The following ENTREP2 variants were observed in gnomAD, a reference collection of about 807,000 sequenced individuals.
ENTREP2 encodes the protein endosomal transmembrane epsin interactor 2.
At chr15:29,502,381 AT>A in the ENTREP2 span, among the ~76,000 whole-genome samples, 42 of 152,134 alleles carry the variant, frequency 2.8e-4, no homozygotes, top group African/African-American at 9.9e-4. Context: ...AAAACTAGAT[AT>A]CCACATACAA....
At chr15:29,379,193 A>G in the ENTREP2 span, among the ~76,000 whole-genome samples, 1 of 152,202 alleles carries the variant, frequency 6.6e-6, no homozygotes. Context: ...AAGGCAAGCA[A>G]TGAATGTCAG....
the ENTREP2 span, among the ~76,000 whole-genome samples, chr15:29,273,109 G>A: frequency 6.6e-6 from 1 of 152,098 alleles, no homozygotes; most frequent in African/African-American, 2.4e-5. Context: ...TTGGCCAAGA[G>A]GGGGTCTGTT....
the ENTREP2 span, among the ~76,000 whole-genome samples, chr15:29,248,697 A>G: frequency 2.0e-5 from 3 of 152,192 alleles, no homozygotes; most frequent in Admixed American, 2.0e-4. Context: ...TTAAACAATG[A>G]AATCATCTTA....
chr15:29,415,537 A>C, the ENTREP2 span, among the ~76,000 whole-genome samples: 4 of 152,122 alleles, frequency 2.6e-5, no homozygotes, highest in Admixed American at 2.6e-4. Flanking sequence ...ACCCACAGCC[A>C]ATATCATACT....
the ENTREP2 span, among the ~76,000 whole-genome samples, chr15:29,320,438 T>G: frequency 1.3e-5 from 2 of 152,200 alleles, no homozygotes; most frequent in Non-Finnish European, 2.9e-5. Flanking sequence ...CTGTTTCCTT[T>G]AATTCTTATT....
chr15:29,675,369 ACG>A, the ENTREP2 span: 6,495 of 152,422 alleles, frequency 0.043, 173 homozygotes, highest in Admixed American at 0.064. Flanking sequence ...CGCGACTCGC[ACG>A]AGCATGTCCA....
the ENTREP2 span, among the ~76,000 whole-genome samples, chr15:29,207,455 C>CGGGGGGGGGGG: frequency 4.5e-4 from 55 of 123,074 alleles, no homozygotes; most frequent in Non-Finnish European, 6.4e-4. Flanking sequence ...GGTTGGGGGG[C>CGGGGGGGGGGG]GGGGGGGGTG....
At chr15:29,619,216 C>T in the ENTREP2 span, among the ~76,000 whole-genome samples, 13 of 152,248 alleles carry the variant, frequency 8.5e-5, no homozygotes, top group Admixed American at 2.6e-4. Context: ...CACGGTGAAA[C>T]CCCATCTCTA....
At chr15:29,172,668 G>C in the ENTREP2 span, among the ~76,000 whole-genome samples, 2 of 152,042 alleles carry the variant, frequency 1.3e-5, no homozygotes, top group African/African-American at 4.8e-5. Flanking sequence ...CTTGTTAAAG[G>C]GAAATGCCAC....
the ENTREP2 span, chr15:29,120,348 C>T: frequency 6.6e-6 from 1 of 152,244 alleles, no homozygotes; most frequent in South Asian, 2.1e-4. Context: ...ACAGACAGGT[C>T]TCTGGTGGCT....
the ENTREP2 span, among the ~76,000 whole-genome samples, chr15:29,605,829 C>T: frequency 6.6e-6 from 1 of 151,580 alleles, no homozygotes; most frequent in Non-Finnish European, 1.5e-5. Flanking sequence ...AGTGAGACAC[C>T]ATATCAAAAG....
At chr15:29,381,764 G>A in the ENTREP2 span, 3 of 1,550,776 alleles carry the variant, frequency 1.9e-6, no homozygotes, top group African/African-American at 2.7e-5. Context: ...GGAGACGCAG[G>A]TGCCACTTAC....
chr15:29,472,428 A>AACACACAT, the ENTREP2 span, among the ~76,000 whole-genome samples: 1 of 140,622 alleles, frequency 7.1e-6, no homozygotes, highest in South Asian at 2.4e-4. Flanking sequence ...CACAACACAC[A>AACACACAT]ACACACACAC....
the ENTREP2 span, among the ~76,000 whole-genome samples, chr15:29,396,105 CTGAG>C: frequency 2.0e-5 from 3 of 152,302 alleles, no homozygotes; most frequent in Admixed American, 2.0e-4. Context: ...ACCATTTCTT[CTGAG>C]TGTTTGATAA....
the ENTREP2 span, among the ~76,000 whole-genome samples, chr15:29,458,592 A>G: frequency 6.6e-6 from 1 of 152,138 alleles, no homozygotes; most frequent in African/African-American, 2.4e-5. Context: ...GAGGTGACCC[A>G]GGAGTGATGC....
chr15:29,339,336 A>C, the ENTREP2 span, among the ~76,000 whole-genome samples: 2 of 152,232 alleles, frequency 1.3e-5, no homozygotes, highest in African/African-American at 4.8e-5. Flanking sequence ...GGGAAAATTG[A>C]AAAGACATTC....
the ENTREP2 span, among the ~76,000 whole-genome samples, chr15:29,428,379 AT>A: frequency 2.6e-5 from 4 of 151,808 alleles, no homozygotes; most frequent in African/African-American, 9.7e-5. Flanking sequence ...ACACACGGCT[AT>A]TTTTTTGGAT....
the ENTREP2 span, among the ~76,000 whole-genome samples, chr15:29,212,308 G>C: frequency 6.6e-6 from 1 of 152,148 alleles, no homozygotes; most frequent in South Asian, 2.1e-4. Flanking sequence ...TGTTTCAGTG[G>C]TGTCAGTTGT....
chr15:29,139,275 C>T, the ENTREP2 span, among the ~76,000 whole-genome samples: 1 of 152,180 alleles, frequency 6.6e-6, no homozygotes, highest in Admixed American at 6.5e-5. Flanking sequence ...ACACGGAGCA[C>T]ACTCCTCGCC....
Sources: allele counts gnomAD v4.1 joint callset (sites outside exome capture counted in the v4.1 genomes callset), GRCh38; gene constraint gnomAD v4.1.1; transcripts MANE v1.5; gene names NCBI Gene and HGNC (gene_info 2026-07-23, HGNC 2026-07-21).